Variants in ARVCF observed in about 807,000 individuals in gnomAD.
ARVCF encodes the protein ARVCF delta catenin family member.
In ARVCF, 66 loss-of-function variants were observed where a neutral mutation model predicts 90.9. The ratio of observed to expected loss-of-function variants is 0.73; its 90% CI spans 0.60 to 0.89. The LOEUF is 0.89. ARVCF is among the 40% of genes least tolerant of loss of function. The pLI is 0.00. For synonymous variants in ARVCF, 653 were observed against 603.4 expected (o/e 1.08, Z -1.21); for missense variants, 1,469 against 1,382.3 (o/e 1.06, Z -1.00).
chr22:20,011,298 TA>T (rs1346404520), intron 1 of ARVCF, among the ~76,000 whole-genome samples: 1 of 152,062 alleles, frequency 6.6e-6, no homozygotes, highest in East Asian at 1.9e-4. Flanking sequence ...GTTCATGTCA[TA>T]AAAATGAAAA....
chr22:20,016,125 T>A (rs1945115167), intron 1 of ARVCF, among the ~76,000 whole-genome samples: 1 of 151,916 alleles, frequency 6.6e-6, no homozygotes, highest in Non-Finnish European at 1.5e-5. Flanking sequence ...CTCCGGGCCG[T>A]CGGTGCCCCT....
chr22:19,974,330 C>G (rs1160186147), intron 11 of ARVCF, 91 bp from the exon 12 acceptor site: 1 of 1,442,712 alleles, frequency 6.9e-7, no homozygotes, highest in African/African-American at 1.4e-5. Flanking sequence ...GCTCCCAGGG[C>G]GTGGGTGAGC....
intron 3 of ARVCF, among the ~76,000 whole-genome samples, chr22:19,986,218 C>T (rs1943756820): frequency 6.6e-6 from 1 of 152,238 alleles, no homozygotes; most frequent in African/African-American, 2.4e-5. Context: ...TTCCCAAAAA[C>T]TGGTCCCTCC....
chr22:19,967,466 G>A (rs1448858468), downstream of ARVCF: 1 of 457,034 alleles, frequency 2.2e-6, no homozygotes, highest in South Asian at 1.6e-5. Context: ...GGACCTTGGG[G>A]CTGTCCCCTG....
intron 9 of ARVCF, 66 bp downstream of exon 9, chr22:19,977,349 C>CA (rs1943212791): frequency 6.8e-7 from 1 of 1,465,092 alleles, no homozygotes; most frequent in Admixed American, 2.5e-5. Flanking sequence ...TGTGGGTGTA[C>CA]AGAGAGCCTT....
downstream of ARVCF, among the ~76,000 whole-genome samples, chr22:19,966,687 T>C (rs1384236761): frequency 6.6e-6 from 1 of 152,110 alleles, no homozygotes; most frequent in African/African-American, 2.4e-5. Flanking sequence ...GCGATCCTCT[T>C]GCCTCAACCT....
Position 19,974,151 on chromosome 22 carries a change from G to A in ARVCF, c.2049C>T (p.Ala683=), listed in dbSNP as rs766638279. The A allele has an allele frequency of 6.2e-6, 10 of 1,612,746 alleles. No homozygotes were observed. The highest frequency in any genetic ancestry group is 2.7e-5 in the African/African-American group (2 of 74,902). The stretch of plus-strand genomic sequence containing the variant: ...CACTGAGGTTCTGCAGAGCGCCGGC[G>A]GCAGCCTCCAGGGTGTTGAAGTTCC... ...ESRNFNTLEA[A]AGALQNLSAG... is the part of the protein sequence containing the mutation. The change falls in exon 12 of 20, where the codon GCC becomes GCT. Residue 683 remains alanine (A), a synonymous_variant. Coordinates refer to ENST00000263207, the MANE Select transcript of ARVCF (RefSeq NM_001670.3).
chr22:20,002,341 C>T (rs1393144191), intron 2 of ARVCF, among the ~76,000 whole-genome samples: 1 of 152,208 alleles, frequency 6.6e-6, no homozygotes, highest in Non-Finnish European at 1.5e-5. Flanking sequence ...AGGCCGTCTG[C>T]AGGCCTGCAG....
At chr22:19,970,843 T>G in intron 19 of ARVCF, 100 bp from the exon 20 acceptor site, 1 of 1,254,934 alleles carries the variant, frequency 8.0e-7, no homozygotes, top group Non-Finnish European at 1.0e-6. Context: ...GCTACATGGA[T>G]GGAGATGTGG....
Position 19,981,461 on chromosome 22 carries a change from C to A in ARVCF, c.646G>T (p.Gly216Cys), listed in dbSNP as rs909054743. Reference sequence around the variant, plus strand: ...TCACCAGGGCCTGGGCCAAGGGGGCCAGCACGTGGGGGCCGCATGCCCAGC... The same window carrying A: ...TCACCAGGGCCTGGGCCAAGGGGGCAAGCACGTGGGGGCCGCATGCCCAGC... ...RGLGMRPPRA[G>C]PLGPGPGDGC... Residue 216 changes from glycine to cysteine, a missense_variant, in exon 5 of 20, where the codon GGC becomes TGC. Physicochemically the swap from Gly to Cys is radical, Grantham distance 159 (BLOSUM62 -3). Coordinates refer to ENST00000263207, the MANE Select transcript of ARVCF (RefSeq NM_001670.3). 4.5e-6 allele frequency: 7 copies of A among 1,546,984 alleles called. No individual in the cohort carries two copies. Among genetic ancestry groups the A allele is most frequent in the Non-Finnish European group, 6.1e-6 (7 of 1,148,104 alleles).
chr22:19,978,416 A>G (rs1943285371), intron 7 of ARVCF, among the ~76,000 whole-genome samples: 1 of 152,084 alleles, frequency 6.6e-6, no homozygotes, highest in Admixed American at 6.5e-5. Flanking sequence ...TCGCCACCCC[A>G]ATGGCAGCTC....
Position 19,972,407 on chromosome 22 carries a change from G to C in ARVCF, c.2646C>G (p.Gly882=). ...TLPLVDKSLE[G]EKTGSRDVIP... is the part of the protein sequence containing the mutation. ...TCACATCCCGGCTGCCAGTTTTCTCGCCCTCTGCAAGGCAGGAGGAGGAGA... is the reference window on the plus strand; with the variant it reads ...TCACATCCCGGCTGCCAGTTTTCTCCCCCTCTGCAAGGCAGGAGGAGGAGA... The change falls in exon 17 of 20, where the codon GGC becomes GGG. Residue 882 remains glycine (G), a synonymous_variant. Transcript: ENST00000263207. 6.2e-7 allele frequency: 1 copy of C among 1,613,544 alleles called. No individual in the cohort carries two copies. The highest frequency in any genetic ancestry group is 2.2e-5 in the East Asian group (1 of 44,874).
At chr22:20,008,411 C>A (rs896117492) in intron 2 of ARVCF, among the ~76,000 whole-genome samples, 1 of 152,210 alleles carries the variant, frequency 6.6e-6, no homozygotes, top group Admixed American at 6.5e-5. Context: ...CTCCCAGCTC[C>A]CCCTCCTAAG....
intron 2 of ARVCF, among the ~76,000 whole-genome samples, chr22:19,992,175 A>G (rs1944053788): frequency 6.6e-6 from 1 of 152,218 alleles, no homozygotes; most frequent in Non-Finnish European, 1.5e-5. Context: ...CTGGGAAAAC[A>G]GGCCCAGCAA....
At chr22:19,982,243 G>C in intron 3 of ARVCF, 152 bp from the exon 4 acceptor site, 3 of 1,064,530 alleles carry the variant, frequency 2.8e-6, no homozygotes, top group Non-Finnish European at 4.0e-6. Context: ...CCCAAGGCCT[G>C]TTTCGGCCCA....
At chr22:20,016,238 A>G (rs1337518276) in intron 1 of ARVCF, among the ~76,000 whole-genome samples, 1 of 152,224 alleles carries the variant, frequency 6.6e-6, no homozygotes, top group Non-Finnish European at 1.5e-5. Context: ...CTAGGCGCCA[A>G]GCGTCGCGCG....
chr22:19,988,021 G>T (rs1009437747), intron 3 of ARVCF, among the ~76,000 whole-genome samples: 2 of 152,208 alleles, frequency 1.3e-5, no homozygotes, highest in Admixed American at 1.3e-4. Flanking sequence ...CAGGGAAACA[G>T]GTTCTGAGAT....
At chr22:19,965,510 T>C (rs1942341906), downstream of ARVCF, 1 of 152,106 alleles carries the variant, frequency 6.6e-6, no homozygotes, top group East Asian at 1.9e-4. Context: ...CCCGGCTAGT[T>C]TTTTGTAGTT....
chr22:19,994,634 T>G (rs1601645783), intron 2 of ARVCF, among the ~76,000 whole-genome samples: 5 of 35,862 alleles, frequency 1.4e-4, no homozygotes, highest in Non-Finnish European at 1.4e-4. Context: ...GGGGGGATGG[T>G]GGAGGATGAA....
Sources: gnomAD v4.1 joint callset for allele counts (sites outside exome capture counted in the v4.1 genomes callset) on GRCh38, gnomAD v4.1.1 for gene constraint, MANE v1.5 for transcripts, NCBI Gene and HGNC (gene_info 2026-07-23, HGNC 2026-07-21) for gene names.